AIG1: variants seen among roughly 807,000 people sequenced by gnomAD.
The protein encoded by AIG1 is androgen-induced gene 1 protein.
Under a neutral mutation model 31.4 loss-of-function variants are expected in AIG1, and 23 were observed. The observed-to-expected ratio is 0.73, with a 90% CI of 0.53 to 1.04. The LOEUF (loss-of-function observed/expected upper bound fraction) is 1.04. Among genes scored for constraint, AIG1 ranks in the 50% least tolerant of loss-of-function variants. The probability of loss-of-function intolerance (pLI) is 0.00; values close to 1 mark genes in which losing one functional copy is unlikely to be tolerated. For synonymous variants in AIG1, 100 were observed against 110.5 expected, an observed-to-expected ratio of 0.90 and a Z score of 0.60; for missense variants, 274 against 295.0, an observed-to-expected ratio of 0.93 and a Z score of 0.52.
chr6:143,214,487 G>A (rs1791846342), intron 3 of AIG1, among the ~76,000 whole-genome samples: 1 of 152,100 alleles, frequency 6.6e-6, no homozygotes, highest in African/African-American at 2.4e-5. Context: ...GGATCTTCTT[G>A]TGCAACAATA....
chr6:143,110,825 C>T (rs988529439), intron 1 of AIG1, among the ~76,000 whole-genome samples: 2 of 152,120 alleles, frequency 1.3e-5, no homozygotes, highest in Non-Finnish European at 2.9e-5. Flanking sequence ...AGACTTAATG[C>T]ATTGAGTAAT....
At chr6:143,317,206 CA>C (rs1245328562) in intron 4 of AIG1, among the ~76,000 whole-genome samples, 1 of 151,792 alleles carries the variant, frequency 6.6e-6, no homozygotes. Context: ...GACATAACAA[CA>C]AAAAAAGAAA....
intron 3 of AIG1, among the ~76,000 whole-genome samples, chr6:143,229,470 T>G (rs1793265677): frequency 6.6e-6 from 1 of 152,196 alleles, no homozygotes. Flanking sequence ...AAAAGTGTAT[T>G]ATTTTATCAT....
chr6:143,205,487 G>T (rs1329585422), intron 3 of AIG1, among the ~76,000 whole-genome samples: 1 of 152,034 alleles, frequency 6.6e-6, no homozygotes, highest in East Asian at 1.9e-4. Flanking sequence ...GTTTCTCTTT[G>T]GCTTCATGTC....
At position 143,190,009 on chromosome 6, in the gene AIG1, G is replaced by A. The variant is rs9390063; in HGVS notation, c.399+24826G>A. 1.5e-3 allele frequency: 695 copies of A among 463,778 alleles called. 11 individuals are homozygous for A. In the East Asian group the frequency reaches 0.063, roughly 42 times the overall value. The allele number at this position is 463,778 out of a possible 1,614,324, so 28.7% of individuals were successfully genotyped here. A position where few individuals can be genotyped will look rare whatever the true frequency, so the allele number is the denominator to read the frequency against. Reference sequence around the variant, plus strand: ...GCTTCTTGCTGTGTCCTCACATGGTGGAAGGAACAAGTAATCTCTCTGGAG... The same window carrying A: ...GCTTCTTGCTGTGTCCTCACATGGTAGAAGGAACAAGTAATCTCTCTGGAG... On this transcript the variant is annotated intron_variant, in intron 3 of 5. Coordinates refer to ENST00000357847, the MANE Select transcript of AIG1 (RefSeq NM_016108.4).
In AIG1 at chr6:143,331,240, A is replaced by C. The variant is rs1777050037; in HGVS notation, c.516-2042A>C. ...CATTTTAGCTATTTGCAAGTATACT[A>C]TTTAATGTCCTTAAATGTATTTACA... On this transcript the variant is annotated intron_variant, in intron 4 of 5. Coordinates refer to ENST00000357847, the MANE Select transcript of AIG1 (RefSeq NM_016108.4). This position sits in a 1 kb window ranked among gnomAD's most constrained non-coding sequence, Gnocchi z 4.1. Among the ~76,000 whole-genome samples the C allele has an allele frequency of 6.6e-6, 1 of 152,076 alleles. No individual in the cohort carries two copies. The highest frequency in any genetic ancestry group is 2.4e-5 in the African/African-American group (1 of 41,406).
At chr6:143,169,121 C>T (rs975093787) in intron 3 of AIG1, among the ~76,000 whole-genome samples, 1 of 151,798 alleles carries the variant, frequency 6.6e-6, no homozygotes, top group Non-Finnish European at 1.5e-5. Flanking sequence ...CTACATGTGA[C>T]AATGTAGGAG....
intron 1 of AIG1, among the ~76,000 whole-genome samples, chr6:143,115,212 A>G (rs1049199231): frequency 1.3e-5 from 2 of 152,216 alleles, no homozygotes; most frequent in African/African-American, 4.8e-5. Flanking sequence ...ATACATTTCT[A>G]AAATAGAATG....
At chr6:143,073,860 C>A (rs1185020092) in intron 1 of AIG1, among the ~76,000 whole-genome samples, 1 of 152,210 alleles carries the variant, frequency 6.6e-6, no homozygotes, top group African/African-American at 2.4e-5. Flanking sequence ...ACAAGGACAG[C>A]AACAGGGATG....
intron 4 of AIG1, among the ~76,000 whole-genome samples, chr6:143,310,020 A>G (rs963839155): frequency 1.3e-5 from 2 of 151,974 alleles, no homozygotes; most frequent in Non-Finnish European, 2.9e-5. Context: ...AACTGCCAGG[A>G]AACATAGGCA....
rs149712957 is a variant in AIG1 at position 143,143,292 on chromosome 6, C to T, written c.297+6302C>T. ...AAAAATGATCATGAGGTCAGGAGATCGAGACCATCCTGGCTAACACAGTGA... is the reference window on the plus strand; with the variant it reads ...AAAAATGATCATGAGGTCAGGAGATTGAGACCATCCTGGCTAACACAGTGA... On this transcript the variant is annotated intron_variant, in intron 2 of 5. Transcript: ENST00000357847. 9.4e-3 allele frequency among the ~76,000 whole-genome samples: 1,410 copies of T among 150,288 alleles called. 15 individuals are homozygous for T. Among genetic ancestry groups the T allele is most frequent in the African/African-American group, 0.031 (1,286 of 41,032 alleles).
At chr6:143,342,807 G>A, downstream of AIG1, 1 of 798,736 alleles carries the variant, frequency 1.3e-6, no homozygotes, top group Non-Finnish European at 2.3e-6. Context: ...TACCTTCTCT[G>A]CAGTGGACAG....
intron 1 of AIG1, among the ~76,000 whole-genome samples, chr6:143,101,255 A>AT (rs1275311034): frequency 6.6e-6 from 1 of 152,156 alleles, no homozygotes; most frequent in Non-Finnish European, 1.5e-5. Context: ...ACTGAGACCA[A>AT]TGCAGGAAAA....
At chr6:143,253,651 GA>G (rs1795168976) in intron 3 of AIG1, among the ~76,000 whole-genome samples, 1 of 152,208 alleles carries the variant, frequency 6.6e-6, no homozygotes, top group African/African-American at 2.4e-5. Flanking sequence ...GTTATTCTAT[GA>G]AGTCCTCGGT....
intron 3 of AIG1, among the ~76,000 whole-genome samples, chr6:143,283,414 C>T (rs749679923): frequency 6.6e-6 from 1 of 152,214 alleles, no homozygotes; most frequent in Non-Finnish European, 1.5e-5. Flanking sequence ...CTCGTGCACA[C>T]ATAATTTGGC....
chr6:143,092,207 A>G (rs919241230), intron 1 of AIG1, among the ~76,000 whole-genome samples: 2 of 151,742 alleles, frequency 1.3e-5, no homozygotes, highest in Admixed American at 1.3e-4. Context: ...TGGGCTCAAG[A>G]GATCCTCCTG....
At chr6:143,170,036 C>G (rs1787340140) in intron 3 of AIG1, among the ~76,000 whole-genome samples, 1 of 151,850 alleles carries the variant, frequency 6.6e-6, no homozygotes, top group Non-Finnish European at 1.5e-5. Flanking sequence ...GAGATATTGG[C>G]CTATAGTTTA....
intron 1 of AIG1, among the ~76,000 whole-genome samples, chr6:143,072,306 C>T (rs1777365223): frequency 6.6e-6 from 1 of 152,040 alleles, no homozygotes; most frequent in African/African-American, 2.4e-5. Context: ...TTTATTAATT[C>T]AAGGAGCTTT....
At position 143,339,759 on chromosome 6, in the gene AIG1, G is replaced by C. The variant is rs1042174488; in HGVS notation, c.*83G>C. On this transcript the variant is annotated 3_prime_UTR_variant, in exon 6 of 6. Coordinates refer to ENST00000357847, the MANE Select transcript of AIG1 (RefSeq NM_016108.4). ...GGGCATTGGCAGTGGGGGAGAAAAG[G>C]CTTCAAAGGAACTTGGTGGCATCAG... 11 of 1,485,020 alleles carry C rather than the reference G, an allele frequency of 7.4e-6. No individual in the cohort carries two copies. Among genetic ancestry groups the C allele is most frequent in the African/African-American group, 1.4e-5 (1 of 71,050 alleles). The allele number at this position is 1,485,020 out of a possible 1,614,324, so 92.0% of individuals were successfully genotyped here.
Sources: allele counts gnomAD v4.1 joint callset (sites outside exome capture counted in the v4.1 genomes callset), GRCh38; gene constraint gnomAD v4.1.1; non-coding constraint Gnocchi (gnomAD v3.1); transcripts MANE v1.5; gene names NCBI Gene and HGNC (gene_info 2026-07-23, HGNC 2026-07-21).